The following RYK variants were observed in gnomAD, a reference collection of about 807,000 sequenced individuals.
RYK encodes inactive tyrosine-protein kinase RYK.
A neutral mutation model predicts 70.2 loss-of-function variants in RYK; 21 were observed. The ratio of observed to expected loss-of-function variants is 0.30; its 90% CI spans 0.21 to 0.43. RYK has a LOEUF of 0.43. RYK is among the 20% of genes least tolerant of loss of function. The pLI is 1.00. For synonymous variants in RYK, 267 were observed against 278.0 expected, an observed-to-expected ratio of 0.96 and a Z score of 0.39; for missense variants, 604 against 753.3, an observed-to-expected ratio of 0.80 and a Z score of 2.32.
intron 9 of RYK, among the ~76,000 whole-genome samples, chr3:134,184,838 CTT>C (rs566645269): frequency 7.8e-4 from 118 of 151,398 alleles, no homozygotes; most frequent in African/African-American, 2.5e-3. Flanking sequence ...TTAAAACAAA[CTT>C]AACAGTATAT....
chr3:134,172,454 A>G (rs1051487057), intron 13 of RYK, among the ~76,000 whole-genome samples: 1 of 152,234 alleles, frequency 6.6e-6, no homozygotes, highest in Non-Finnish European at 1.5e-5. Context: ...AAACAGTTCC[A>G]GCTACAATTC....
At chr3:134,216,792 C>CAAAAAAAAAAAAAAAAAAAAAA (rs61441674) in intron 2 of RYK, among the ~76,000 whole-genome samples, 1 of 37,426 alleles carries the variant, frequency 2.7e-5, no homozygotes, top group Non-Finnish European at 4.6e-5. Flanking sequence ...GACTCTGTCT[C>CAAAAAAAAAAAAAAAAAAAAAA]AAAAAAAAAA....
chr3:134,211,363 T>C, intron 3 of RYK, 145 bp downstream of exon 3: 1 of 502,950 alleles, frequency 2.0e-6, no homozygotes, highest in Non-Finnish European at 3.5e-6. Context: ...AGTGCAAATA[T>C]TTACAAAAAT....
intron 6 of RYK, among the ~76,000 whole-genome samples, chr3:134,196,332 T>C (rs905252404): frequency 6.6e-6 from 1 of 152,140 alleles, no homozygotes; most frequent in African/African-American, 2.4e-5. Flanking sequence ...ATGCCTCTCT[T>C]AGCTACAGGA....
At chr3:134,225,205 G>A (rs1384118591) in intron 1 of RYK, among the ~76,000 whole-genome samples, 1 of 152,154 alleles carries the variant, frequency 6.6e-6, no homozygotes, top group Non-Finnish European at 1.5e-5. Context: ...AGGGGTTAGA[G>A]GAAAAATTGT....
chr3:134,231,028 T>C (rs534849645), intron 1 of RYK, among the ~76,000 whole-genome samples: 1 of 152,072 alleles, frequency 6.6e-6, no homozygotes, highest in Non-Finnish European at 1.5e-5. Context: ...TAAAGAACTC[T>C]GTTCCTAATA....
chr3:134,207,531 T>C lies in RYK; in HGVS notation c.590-6A>G. On this transcript the variant is annotated splice_polypyrimidine_tract_variant and splice_region_variant and intron_variant, in intron 4 of 14. Transcript: ENST00000623711. ...AGTTTTTACTTCTTCAAGTTCTGAATTTAAAGGAGAAAAATGATGCTTTAG... is the reference window on the plus strand; with the variant it reads ...AGTTTTTACTTCTTCAAGTTCTGAACTTAAAGGAGAAAAATGATGCTTTAG... 6.6e-7 allele frequency: 1 copy of C among 1,525,986 alleles called. No homozygotes were observed. The highest frequency in any genetic ancestry group is 8.9e-7 in the Non-Finnish European group (1 of 1,129,638). The allele number at this position is 1,525,986 out of a possible 1,614,324, so 94.5% of individuals were successfully genotyped here. A position where few individuals can be genotyped will look rare whatever the true frequency, so the allele number is the denominator to read the frequency against.
intron 13 of RYK, among the ~76,000 whole-genome samples, chr3:134,164,914 C>A (rs151076508): frequency 6.6e-5 from 10 of 152,290 alleles, no homozygotes; most frequent in African/African-American, 2.2e-4. Context: ...TCAGACTTTT[C>A]AATTTTAGCC....
chr3:134,233,031 G>T (rs1210217571), intron 1 of RYK, among the ~76,000 whole-genome samples: 1 of 152,214 alleles, frequency 6.6e-6, no homozygotes, highest in Admixed American at 6.5e-5. Context: ...ACAGCAAGCT[G>T]CACTTACTCT....
chr3:134,169,849 T>C (rs141903474), intron 13 of RYK, among the ~76,000 whole-genome samples: 55 of 152,316 alleles, frequency 3.6e-4, no homozygotes, highest in African/African-American at 1.3e-3. Context: ...GTATAGACTC[T>C]GGTGGAAGTG....
rs115069631 is a variant in RYK at position 134,234,897 on chromosome 3, C to T, written c.233-12358G>A. Among the ~76,000 whole-genome samples, 457 of 151,868 alleles carry T rather than the reference C, an allele frequency of 3.0e-3. 3 individuals are homozygous for T. The highest frequency in any genetic ancestry group is 9.9e-3 in the African/African-American group (411 of 41,452). ...GAAGAGAACCAAATATAAGTATGAC[C>T]ATGGTACAAAACTATCAGTCTATGA... On this transcript the variant is annotated intron_variant, in intron 1 of 14. Coordinates refer to ENST00000623711, the MANE Select transcript of RYK (RefSeq NM_002958.4).
chr3:134,191,072 AAGG>A (rs932714792), intron 8 of RYK, among the ~76,000 whole-genome samples: 15 of 152,246 alleles, frequency 9.9e-5, no homozygotes, highest in African/African-American at 3.4e-4. Flanking sequence ...AGGAATACAT[AAGG>A]AGGACTCATA....
chr3:134,198,746 T>G lies in RYK; in HGVS notation c.789-3564A>C, dbSNP rs118020926. ...TATTGTGAAAAAAGCAAAGAATGAT[T>G]GGTAAAACAAAATGGTTTTTTTCCT... On this transcript the variant is annotated intron_variant, in intron 6 of 14. Transcript: ENST00000623711. Among the ~76,000 whole-genome samples, 560 of 152,368 alleles carry G rather than the reference T, an allele frequency of 3.7e-3. 29 individuals are homozygous for G. In the East Asian group the frequency reaches 0.1, roughly 27 times the overall value.
intron 1 of RYK, among the ~76,000 whole-genome samples, chr3:134,230,307 C>T (rs576227942): frequency 4.9e-4 from 74 of 152,288 alleles, no homozygotes; most frequent in Admixed American, 8.5e-4. Flanking sequence ...GACTGGTCTC[C>T]TGACCTCAAG....
intron 13 of RYK, among the ~76,000 whole-genome samples, chr3:134,166,278 C>A (rs1042796805): frequency 1.3e-5 from 2 of 152,008 alleles, no homozygotes; most frequent in African/African-American, 4.8e-5. Context: ...ACATGAGGAC[C>A]CAGAAGAGAG....
intron 7 of RYK, among the ~76,000 whole-genome samples, chr3:134,193,737 T>C (rs2013723907): frequency 2.0e-5 from 3 of 152,230 alleles, no homozygotes; most frequent in East Asian, 1.9e-4. Context: ...TTGTTTACTG[T>C]ATAATGCCTT....
At chr3:134,181,690 CAT>C (rs1364496556) in intron 10 of RYK, 8 of 152,164 alleles carry the variant, frequency 5.3e-5, no homozygotes, top group Middle Eastern at 3.4e-3. Context: ...TTTTTTTAAA[CAT>C]ATGTGATCAA....
At chr3:134,244,214 C>G (rs1246698040) in intron 1 of RYK, among the ~76,000 whole-genome samples, 4 of 152,150 alleles carry the variant, frequency 2.6e-5, no homozygotes, top group Admixed American at 6.5e-5. Context: ...CACCCACCCA[C>G]CAGCATGTTC....
At chr3:134,249,441 A>AAGCACC (rs2015548648) in intron 1 of RYK, among the ~76,000 whole-genome samples, 1 of 152,176 alleles carries the variant, frequency 6.6e-6, no homozygotes, top group Non-Finnish European at 1.5e-5. Context: ...AAACACTCAG[A>AAGCACC]AGCACCACCT....
Sources: gnomAD v4.1 joint callset for allele counts (sites outside exome capture counted in the v4.1 genomes callset) on GRCh38, gnomAD v4.1.1 for gene constraint, MANE v1.5 for transcripts, NCBI Gene and HGNC (gene_info 2026-07-23, HGNC 2026-07-21) for gene names.